NOS1AP: variants seen among roughly 807,000 people sequenced by gnomAD.
NOS1AP encodes the protein nitric oxide synthase 1 adaptor protein.
NOS1AP carries 21 observed loss-of-function variants against 56.2 expected under a neutral mutation model. The observed-to-expected ratio is 0.37, with a 90% CI of 0.26 to 0.54. The LOEUF (loss-of-function observed/expected upper bound fraction) is 0.54. Among genes scored for constraint, NOS1AP ranks in the 20% least tolerant of loss-of-function variants. The pLI is 0.84. For synonymous variants in NOS1AP, 270 were observed against 274.6 expected (o/e 0.98, Z 0.17); for missense variants, 522 against 657.8 (o/e 0.79, Z 2.26).
At chr1:162,279,376 C>T (rs564957908) in intron 2 of NOS1AP, among the ~76,000 whole-genome samples, 1 of 152,336 alleles carries the variant, frequency 6.6e-6, no homozygotes, top group Admixed American at 6.5e-5. Flanking sequence ...CTTGAGGCTG[C>T]CGCTGCCTTC....
chr1:162,365,683 C>A, intron 9 of NOS1AP, 114 bp downstream of exon 9: 1 of 1,279,672 alleles, frequency 7.8e-7, no homozygotes, highest in African/African-American at 1.5e-5. Context: ...CCCTATATTC[C>A]AGCAGAAAAC....
chr1:162,154,895 CCA>C, intron 2 of NOS1AP, among the ~76,000 whole-genome samples: 1 of 152,106 alleles, frequency 6.6e-6, no homozygotes, highest in East Asian at 1.9e-4. Context: ...CTCAGGCAAT[CCA>C]CCCACCTCGG....
chr1:162,200,362 C>G (rs923420915), intron 2 of NOS1AP, among the ~76,000 whole-genome samples: 14 of 152,222 alleles, frequency 9.2e-5, no homozygotes, highest in Admixed American at 9.2e-4. Context: ...TAAAGCATCT[C>G]TCTTCACTTC....
chr1:162,086,198 G>A (rs1691998048), intron 1 of NOS1AP, among the ~76,000 whole-genome samples: 3 of 151,998 alleles, frequency 2.0e-5, no homozygotes, highest in Admixed American at 6.6e-5. Flanking sequence ...GTATTTCAGG[G>A]GTTTTAAATG....
intron 1 of NOS1AP, among the ~76,000 whole-genome samples, chr1:162,076,181 A>T (rs1021910178): frequency 1.3e-5 from 2 of 152,040 alleles, no homozygotes; most frequent in African/African-American, 4.8e-5. Flanking sequence ...TGCCTTGAGG[A>T]TGCTCTTAGC....
chr1:162,260,630 T>C (rs954088065), intron 2 of NOS1AP, among the ~76,000 whole-genome samples: 9 of 152,142 alleles, frequency 5.9e-5, no homozygotes, highest in African/African-American at 2.2e-4. Context: ...AACTTATATA[T>C]CCAAAGAATG....
At chr1:162,365,149 T>A in intron 8 of NOS1AP, 1 of 1,413,142 alleles carries the variant, frequency 7.1e-7, no homozygotes, top group Non-Finnish European at 9.2e-7. Context: ...CTCTTGCCCT[T>A]GGTATGGGTA....
chr1:162,127,651 G>A (rs535681884), intron 1 of NOS1AP, among the ~76,000 whole-genome samples: 2 of 152,182 alleles, frequency 1.3e-5, no homozygotes, highest in African/African-American at 2.4e-5. Flanking sequence ...GAACGTGAAG[G>A]GGGAGCAGGC....
rs61638740 is a variant in NOS1AP at position 162,221,528 on chromosome 1, ACGCG to A, written c.178-65812_178-65809del. Among the ~76,000 whole-genome samples the A allele has an allele frequency of 1.8e-3, 108 of 59,508 alleles. 4 individuals are homozygous for A. Among genetic ancestry groups the A allele is most frequent in the African/African-American group, 5.3e-3 (83 of 15,524 alleles). The allele number at this position is 59,508 out of a possible 152,430, so 39.0% of individuals were successfully genotyped here. ...TAATGCAACACACACACGCACACACACGCGCGCACACACACACACACACACACAC... is the reference window on the plus strand; with the variant it reads ...TAATGCAACACACACACGCACACACACGCACACACACACACACACACACAC... On this transcript the variant is annotated intron_variant, in intron 2 of 9. Transcript: ENST00000361897.
At chr1:162,310,228 G>GTA (rs1467377157) in intron 4 of NOS1AP, among the ~76,000 whole-genome samples, 1 of 152,172 alleles carries the variant, frequency 6.6e-6, no homozygotes. Flanking sequence ...AGGGAATGAG[G>GTA]TATACCCCGT....
chr1:162,252,062 C>G (rs1347066506), intron 2 of NOS1AP, among the ~76,000 whole-genome samples: 2 of 151,238 alleles, frequency 1.3e-5, no homozygotes, highest in African/African-American at 2.4e-5. Context: ...TTTTTTGAGA[C>G]AGGGACTCAT....
intron 5 of NOS1AP, among the ~76,000 whole-genome samples, chr1:162,343,046 T>C (rs1657161369): frequency 6.6e-6 from 1 of 152,184 alleles, no homozygotes. Context: ...TATCCACCTT[T>C]GAGGCCATGC....
intron 4 of NOS1AP, among the ~76,000 whole-genome samples, 186 bp from the exon 5 acceptor site, chr1:162,332,831 G>A (rs1426334952): frequency 6.6e-6 from 1 of 152,184 alleles, no homozygotes; most frequent in African/African-American, 2.4e-5. Flanking sequence ...CACAGTGTTA[G>A]TGTTTGTGGA....
chr1:162,079,750 C>T (rs1336173708), intron 1 of NOS1AP, among the ~76,000 whole-genome samples: 1 of 152,148 alleles, frequency 6.6e-6, no homozygotes, highest in Non-Finnish European at 1.5e-5. Context: ...TTCATCTGTG[C>T]ATGGTTTTAA....
At chr1:162,221,532 G>GCACACACACA (rs764354269) in intron 2 of NOS1AP, among the ~76,000 whole-genome samples, 5 of 132,716 alleles carry the variant, frequency 3.8e-5, no homozygotes, top group African/African-American at 9.9e-5. Flanking sequence ...ACACACACGC[G>GCACACACACA]CGCACACACA....
intron 4 of NOS1AP, among the ~76,000 whole-genome samples, chr1:162,325,311 G>T (rs1656549463): frequency 6.6e-6 from 1 of 152,110 alleles, no homozygotes; most frequent in Non-Finnish European, 1.5e-5. Context: ...ATGAGGAAAA[G>T]AATGAGTAAC....
intron 5 of NOS1AP, among the ~76,000 whole-genome samples, chr1:162,338,440 T>C (rs1001765274): frequency 6.6e-6 from 1 of 152,224 alleles, no homozygotes; most frequent in East Asian, 1.9e-4. Flanking sequence ...CTTAATCCTC[T>C]TTGTAAGTTG....
At chr1:162,113,086 A>C (rs1647776486) in intron 1 of NOS1AP, among the ~76,000 whole-genome samples, 1 of 151,848 alleles carries the variant, frequency 6.6e-6, no homozygotes, top group Non-Finnish European at 1.5e-5. Flanking sequence ...GGTGGTGGGG[A>C]TAGGGGGTTA....
chr1:162,102,082 G>A (rs1647297976), intron 1 of NOS1AP, among the ~76,000 whole-genome samples: 1 of 152,080 alleles, frequency 6.6e-6, no homozygotes, highest in Admixed American at 6.5e-5. Flanking sequence ...CTGTGGGTTT[G>A]TCATGCATGG....
Sources: gnomAD v4.1 joint callset for allele counts (sites outside exome capture counted in the v4.1 genomes callset) on GRCh38, gnomAD v4.1.1 for gene constraint, MANE v1.5 for transcripts, NCBI Gene and HGNC (gene_info 2026-07-23, HGNC 2026-07-21) for gene names.